Variants in COL23A1 observed in about 807,000 individuals in gnomAD.
The protein encoded by COL23A1 is collagen type XXIII alpha 1 chain.
COL23A1 carries 97 observed loss-of-function variants against 99.3 expected under a neutral mutation model. That is an observed-to-expected ratio of 0.98 (90% CI 0.83 to 1.16). The LOEUF (loss-of-function observed/expected upper bound fraction) is 1.16, where lower values mean the gene tolerates loss of function less well. Among genes scored for constraint, COL23A1 ranks in the 50% most tolerant of loss-of-function variants. The pLI, the probability that COL23A1 is intolerant of heterozygous loss-of-function variation, is 0.00. For synonymous variants in COL23A1, 320 were observed against 308.2 expected (o/e 1.04, Z -0.40); for missense variants, 762 against 757.4 (o/e 1.01, Z -0.07).
At chr5:178,445,226 G>A (rs772569801) in intron 2 of COL23A1, among the ~76,000 whole-genome samples, 4 of 151,890 alleles carry the variant, frequency 2.6e-5, no homozygotes, top group Non-Finnish European at 5.9e-5. Context: ...TCCTTTTCCC[G>A]GTGATTTGAA....
At position 178,358,206 on chromosome 5, in the gene COL23A1, CGT is replaced by C. The variant is rs201827822; in HGVS notation, c.362-51289_362-51288del. ...GTATGTGTATGTGTGTGCATGTGTA[CGT>C]GTGTATGTGTGTCTAATGTGTGTAT... On this transcript the variant is annotated intron_variant, in intron 2 of 28. Transcript: ENST00000390654. Among the ~76,000 whole-genome samples the C allele has an allele frequency of 1.4e-3, 149 of 104,866 alleles. No individual in the cohort carries two copies. In the East Asian group the frequency reaches 0.025, roughly 18 times the overall value. The allele number at this position is 104,866 out of a possible 152,430, so 68.8% of individuals were successfully genotyped here. A position where few individuals can be genotyped will look rare whatever the true frequency, so the allele number is the denominator to read the frequency against.
chr5:178,274,005 G>T (rs1344267978), intron 5 of COL23A1, among the ~76,000 whole-genome samples: 1 of 152,218 alleles, frequency 6.6e-6, no homozygotes, highest in Non-Finnish European at 1.5e-5. Context: ...TTCCCAAACT[G>T]GTGTCCCACA....
At chr5:178,479,100 CATG>C (rs34923189) in intron 2 of COL23A1, among the ~76,000 whole-genome samples, 6 of 151,142 alleles carry the variant, frequency 4.0e-5, no homozygotes, top group East Asian at 2.0e-4. Flanking sequence ...GGATCACCCT[CATG>C]ATGATGATGA....
chr5:178,475,855 C>T (rs1323695691), intron 2 of COL23A1, among the ~76,000 whole-genome samples: 2 of 152,164 alleles, frequency 1.3e-5, no homozygotes, highest in Non-Finnish European at 1.5e-5. Context: ...CTCCTGGAGG[C>T]TGCCCACAGC....
At position 178,313,202 on chromosome 5, in the gene COL23A1, C is replaced by T. The variant is rs1033879312; in HGVS notation, c.362-6283G>A. On this transcript the variant is annotated intron_variant, in intron 2 of 28. Coordinates refer to ENST00000390654, the MANE Select transcript of COL23A1 (RefSeq NM_173465.4). This position sits in a 1 kb window ranked among gnomAD's most constrained non-coding sequence, Gnocchi z 4.2. The stretch of plus-strand genomic sequence containing the variant: ...CATCGGTGGGCTGGGCTAGGGGAGG[C>T]GAGACTGGGAAGTCGGTGGGCCCAG... Among the ~76,000 whole-genome samples the T allele has an allele frequency of 2.0e-5, 3 of 152,002 alleles. No individual in the cohort carries two copies. The highest frequency in any genetic ancestry group is 7.3e-5 in the African/African-American group (3 of 41,368).
At chr5:178,548,229 C>T (rs906247433) in intron 2 of COL23A1, among the ~76,000 whole-genome samples, 2 of 151,654 alleles carry the variant, frequency 1.3e-5, no homozygotes, top group African/African-American at 4.8e-5. Flanking sequence ...ATCACTGTGA[C>T]AAATGCCCAC....
At chr5:178,291,414 T>C (rs986492846) in intron 3 of COL23A1, among the ~76,000 whole-genome samples, 2 of 152,160 alleles carry the variant, frequency 1.3e-5, no homozygotes, top group Non-Finnish European at 2.9e-5. Flanking sequence ...GCTCCATGCA[T>C]AGCACAAGGG....
chr5:178,262,875 T>C (rs1216636792), intron 9 of COL23A1, among the ~76,000 whole-genome samples: 2 of 152,006 alleles, frequency 1.3e-5, no homozygotes, highest in Admixed American at 6.6e-5. Flanking sequence ...AGGGTCTGAA[T>C]TGGGGGCGTA....
In COL23A1 at chr5:178,404,578, G is replaced by T. The variant is rs997651408; in HGVS notation, c.362-97659C>A. ...GATTCCTTATGGTGAACCTGGCCCA[G>T]CCCCTCCATTGGTCCCTGGGACCTT... On this transcript the variant is annotated intron_variant, in intron 2 of 28. Transcript: ENST00000390654. 6.4e-4 allele frequency among the ~76,000 whole-genome samples: 41 copies of T among 63,630 alleles called. No homozygotes were observed. In the African/African-American group the frequency reaches 0.013, roughly 20 times the overall value. The allele number at this position is 63,630 out of a possible 152,430, so 41.7% of individuals were successfully genotyped here.
chr5:178,348,858 C>T (rs1328727938), intron 2 of COL23A1, among the ~76,000 whole-genome samples: 1 of 152,214 alleles, frequency 6.6e-6, no homozygotes, highest in African/African-American at 2.4e-5. Flanking sequence ...GGCCAACCCC[C>T]CAGCAGGGAG....
chr5:178,252,252 G>T (rs1765076233), intron 17 of COL23A1, among the ~76,000 whole-genome samples: 1 of 152,138 alleles, frequency 6.6e-6, no homozygotes, highest in South Asian at 2.1e-4. Context: ...TAGGATAATG[G>T]CCTCTGGCTG....
chr5:178,527,745 C>A (rs530305352), intron 2 of COL23A1, among the ~76,000 whole-genome samples: 1 of 152,108 alleles, frequency 6.6e-6, no homozygotes, highest in Non-Finnish European at 1.5e-5. Flanking sequence ...GCCACTCAGA[C>A]GCCCCTGCCC....
intron 2 of COL23A1, among the ~76,000 whole-genome samples, chr5:178,517,131 G>A (rs1759566497): frequency 6.6e-6 from 1 of 152,178 alleles, no homozygotes; most frequent in Non-Finnish European, 1.5e-5. Context: ...TGCCCAGCAA[G>A]GCATGGTGAG....
At chr5:178,545,833 G>A (rs1381961445) in intron 2 of COL23A1, among the ~76,000 whole-genome samples, 1 of 152,162 alleles carries the variant, frequency 6.6e-6, no homozygotes, top group Non-Finnish European at 1.5e-5. Context: ...TACATGAACA[G>A]ACATATTTGA....
chr5:178,552,950 C>T lies in COL23A1; in HGVS notation c.361+7732G>A, dbSNP rs192848898. On this transcript the variant is annotated intron_variant, in intron 2 of 28. Coordinates refer to ENST00000390654, the MANE Select transcript of COL23A1 (RefSeq NM_173465.4). ...GTCTTGATCTTCTGACCTTGTGATC[C>T]CCCCGCCTTGGCCTCCCAAAGTGCT... is the stretch of plus-strand genomic sequence containing the variant. Among the ~76,000 whole-genome samples, 3 of 152,162 alleles carry T rather than the reference C, an allele frequency of 2.0e-5. No homozygotes were observed. The East Asian group carries it at 5.8e-4, about 30-fold the overall frequency.
intron 2 of COL23A1, among the ~76,000 whole-genome samples, chr5:178,535,729 C>T (rs755539594): frequency 6.6e-6 from 1 of 152,258 alleles, no homozygotes; most frequent in Admixed American, 6.5e-5. Flanking sequence ...GCGCCGTGTG[C>T]CCAGCACGAA....
chr5:178,352,894 A>C (rs773027241), intron 2 of COL23A1, among the ~76,000 whole-genome samples: 4 of 152,224 alleles, frequency 2.6e-5, no homozygotes, highest in African/African-American at 9.6e-5. Flanking sequence ...AAATAATGGA[A>C]TTATTTCCCA....
rs1581460857 is a variant in COL23A1, at chr5:178,255,385, C to T, written c.883-359G>A. On this transcript the variant is annotated intron_variant, in intron 15 of 28. Coordinates refer to ENST00000390654, the MANE Select transcript of COL23A1 (RefSeq NM_173465.4). This position sits in a 1 kb window ranked among gnomAD's most constrained non-coding sequence, Gnocchi z 4.2. ...CCCCAAACCCTCCAAAACACAAAGA[C>T]ATGAGCAGGCTGGATCTGGCCCCCG... is the stretch of plus-strand genomic sequence containing the variant. Among the ~76,000 whole-genome samples, 2 of 152,332 alleles carry T rather than the reference C, an allele frequency of 1.3e-5. No individual in the cohort carries two copies. The highest frequency in any genetic ancestry group is 2.1e-4 in the South Asian group (1 of 4,822).
chr5:178,242,236 A>C, intron 26 of COL23A1, 105 bp downstream of exon 26: 3 of 1,477,316 alleles, frequency 2.0e-6, no homozygotes, highest in Non-Finnish European at 2.8e-6. Context: ...GCCTCCGCCC[A>C]CCTGCCCGGC....
Sources: allele counts gnomAD v4.1 joint callset (sites outside exome capture counted in the v4.1 genomes callset), GRCh38; gene constraint gnomAD v4.1.1; non-coding constraint Gnocchi (gnomAD v3.1); transcripts MANE v1.5; gene names NCBI Gene and HGNC (gene_info 2026-07-23, HGNC 2026-07-21).